Variants in METTL15 observed in about 807,000 individuals in gnomAD.
The protein encoded by METTL15 is 12S rRNA N(4)-cytidine methyltransferase METTL15.
METTL15 carries 34 observed loss-of-function variants against 38.3 expected under a neutral mutation model. The ratio of observed to expected loss-of-function variants is 0.89; its 90% CI spans 0.68 to 1.18. The LOEUF (loss-of-function observed/expected upper bound fraction) is 1.18. Among genes scored for constraint, METTL15 ranks in the 50% most tolerant of loss-of-function variants. The pLI is 0.00. For synonymous variants in METTL15, 162 were observed against 170.9 expected, an observed-to-expected ratio of 0.95 and a Z score of 0.41; for missense variants, 438 against 498.4, an observed-to-expected ratio of 0.88 and a Z score of 1.15.
intron 6 of METTL15, among the ~76,000 whole-genome samples, chr11:28,324,385 T>C (rs1438509138): frequency 1.3e-5 from 2 of 152,216 alleles, no homozygotes; most frequent in Non-Finnish European, 2.9e-5. Context: ...AAAGTTCACC[T>C]TGCACATTTC....
intron 4 of METTL15, among the ~76,000 whole-genome samples, chr11:28,257,866 A>G (rs535884411): frequency 6.6e-6 from 1 of 152,250 alleles, no homozygotes; most frequent in South Asian, 2.1e-4. Flanking sequence ...ACATATTTCT[A>G]ATTCTTCAGG....
At chr11:28,144,473 C>T (rs925061656) in intron 3 of METTL15, among the ~76,000 whole-genome samples, 14 of 152,028 alleles carry the variant, frequency 9.2e-5, no homozygotes, top group African/African-American at 3.4e-4. Context: ...AAAAGTAATG[C>T]AACTTTGAAA....
chr11:28,225,860 T>C (rs1395614778), intron 4 of METTL15, among the ~76,000 whole-genome samples: 1 of 151,918 alleles, frequency 6.6e-6, no homozygotes, highest in Admixed American at 6.6e-5. Flanking sequence ...CCTGCATGTC[T>C]TTGATTTAAT....
intron 5 of METTL15, among the ~76,000 whole-genome samples, chr11:28,406,155 G>A (rs1049777994): frequency 2.0e-5 from 3 of 152,086 alleles, no homozygotes; most frequent in African/African-American, 7.2e-5. Flanking sequence ...AATGTCAATG[G>A]TAGTTTAATG....
intron 6 of METTL15, among the ~76,000 whole-genome samples, chr11:28,425,328 C>T (rs983329285): frequency 2.0e-5 from 3 of 152,170 alleles, no homozygotes; most frequent in East Asian, 3.9e-4. Context: ...CCTAGTTTTG[C>T]CCTCAAGGTG....
intron 3 of METTL15, among the ~76,000 whole-genome samples, chr11:28,179,883 C>T (rs544532129): frequency 4.0e-5 from 6 of 151,828 alleles, no homozygotes; most frequent in African/African-American, 1.4e-4. Context: ...TATGAGAGTT[C>T]CAGTTGTTTC....
intron 4 of METTL15, among the ~76,000 whole-genome samples, chr11:28,276,490 A>G (rs916763727): frequency 6.6e-6 from 1 of 152,196 alleles, no homozygotes; most frequent in Non-Finnish European, 1.5e-5. Flanking sequence ...TGAAGAACTA[A>G]TATCATTACA....
chr11:28,225,012 A>G (rs1469793106), intron 4 of METTL15, among the ~76,000 whole-genome samples: 1 of 151,788 alleles, frequency 6.6e-6, no homozygotes, highest in Non-Finnish European at 1.5e-5. Context: ...TTTTTAAGAT[A>G]AAAAGTATTT....
chr11:28,430,533 C>T (rs1356635394), intron 6 of METTL15, among the ~76,000 whole-genome samples: 5 of 31,996 alleles, frequency 1.6e-4, no homozygotes, highest in Non-Finnish European at 2.2e-4. Context: ...CCAGCCGCCC[C>T]GTCCGGGAGG....
intron 6 of METTL15, among the ~76,000 whole-genome samples, chr11:28,311,316 G>T (rs1857297159): frequency 6.6e-6 from 1 of 152,074 alleles, no homozygotes; most frequent in African/African-American, 2.4e-5. Flanking sequence ...GTAGTACAGG[G>T]AGAAATTCCT....
At chr11:28,514,330 AATGAT>A (rs1851701672) in intron 6 of METTL15, among the ~76,000 whole-genome samples, 1 of 152,226 alleles carries the variant, frequency 6.6e-6, no homozygotes, top group Admixed American at 6.5e-5. Flanking sequence ...TCTTAGCTTG[AATGAT>A]ATGATATGTG....
intron 2 of METTL15, among the ~76,000 whole-genome samples, chr11:28,111,516 T>A (rs1851718101): frequency 6.6e-6 from 1 of 152,228 alleles, no homozygotes. Context: ...CTATGAGATA[T>A]TACAGATATA....
chr11:28,293,430 C>A (rs1039537729), intron 5 of METTL15, among the ~76,000 whole-genome samples: 109 of 152,310 alleles, frequency 7.2e-4, no homozygotes, highest in African/African-American at 2.3e-3. Flanking sequence ...TGTTTTGGTA[C>A]CAGTACCATG....
At chr11:28,431,810 A>G (rs12226626) in intron 6 of METTL15, among the ~76,000 whole-genome samples, 188 of 6,724 alleles carry the variant, frequency 0.028, 1 homozygote, top group Admixed American at 0.073. Flanking sequence ...AAAAAAAAGA[A>G]AAAAAAAAAA....
intron 4 of METTL15, among the ~76,000 whole-genome samples, chr11:28,278,441 T>C (rs1337253843): frequency 6.6e-6 from 1 of 152,222 alleles, no homozygotes; most frequent in Non-Finnish European, 1.5e-5. Flanking sequence ...TAAACTTCCC[T>C]GTGAGGGCCC....
chr11:28,496,789 G>C (rs1851539185), intron 6 of METTL15, among the ~76,000 whole-genome samples: 1 of 152,200 alleles, frequency 6.6e-6, no homozygotes, highest in Non-Finnish European at 1.5e-5. Flanking sequence ...CTTTGTCTAT[G>C]ATGTATGCAA....
At chr11:28,442,362 A>G (rs985250615) in intron 6 of METTL15, among the ~76,000 whole-genome samples, 17 of 152,074 alleles carry the variant, frequency 1.1e-4, no homozygotes, top group African/African-American at 4.1e-4. Context: ...CTCAAATTGA[A>G]TTATTTCTGA....
chr11:28,206,500 G>A (rs940531116), intron 3 of METTL15, among the ~76,000 whole-genome samples: 1 of 151,874 alleles, frequency 6.6e-6, no homozygotes, highest in Admixed American at 6.6e-5. Flanking sequence ...ATGCTGTTTT[G>A]GTTACTGTAG....
chr11:28,264,119 G>A lies in METTL15; in HGVS notation c.408-26087G>A, dbSNP rs141239289. On this transcript the variant is annotated intron_variant, in intron 4 of 6. Transcript: ENST00000407364. ...TTGATTCTCTGCCACCATAATCCCC[G>A]TTCAAATCTTGTGATTCACATTGTG... Among the ~76,000 whole-genome samples the A allele has an allele frequency of 1.1e-3, 161 of 152,108 alleles. 1 individual carries two copies. Among genetic ancestry groups the A allele is most frequent in the African/African-American group, 3.5e-3 (146 of 41,536 alleles).
Sources: gnomAD v4.1 joint callset for allele counts (sites outside exome capture counted in the v4.1 genomes callset) on GRCh38, gnomAD v4.1.1 for gene constraint, MANE v1.5 for transcripts, NCBI Gene and HGNC (gene_info 2026-07-23, HGNC 2026-07-21) for gene names.